Variants in NRG1 observed in about 807,000 individuals in gnomAD.
The protein encoded by NRG1 is neuregulin 1.
A neutral mutation model predicts 63.8 loss-of-function variants in NRG1; 18 were observed. That is an observed-to-expected ratio of 0.28 (90% CI 0.19 to 0.42). The LOEUF is 0.42. Ranked by LOEUF, NRG1 falls within the 10% of genes least tolerant of loss-of-function variation. NRG1 has a pLI of 1.00. For synonymous variants in NRG1, 302 were observed against 301.3 expected (o/e 1.00, Z -0.02); for missense variants, 762 against 814.7 (o/e 0.94, Z 0.79).
At chr8:31,733,877 G>T (rs564018019) in intron 1 of NRG1, among the ~76,000 whole-genome samples, 2 of 152,100 alleles carry the variant, frequency 1.3e-5, no homozygotes, top group Non-Finnish European at 2.9e-5. Flanking sequence ...TTTCCATTCC[G>T]AAAGATATAA....
In NRG1 at chr8:31,700,257, T is replaced by A. The variant is rs371420107; in HGVS notation, c.37+60826T>A. ...CTCTGGGTCATATTTTAATTCCTGA[T>A]CCTGAAGTGGAGGGGAATCCTGATG... On this transcript the variant is annotated intron_variant, in intron 1 of 10. Coordinates refer to the NRG1 transcript ENST00000519301. 2.0e-5 allele frequency among the ~76,000 whole-genome samples: 3 copies of A among 152,122 alleles called. No individual in the cohort carries two copies. The East Asian group carries it at 5.8e-4, about 29-fold the overall frequency.
chr8:31,959,794 A>ATTATTTAT (rs202231999), intron 1 of NRG1, among the ~76,000 whole-genome samples: 1 of 122,314 alleles, frequency 8.2e-6, no homozygotes, highest in Non-Finnish European at 1.6e-5. Context: ...TTATTTATTT[A>ATTATTTAT]TTATTTATTT....
chr8:31,783,612 A>AC (rs1057022873), intron 1 of NRG1, among the ~76,000 whole-genome samples: 10 of 151,760 alleles, frequency 6.6e-5, no homozygotes, highest in South Asian at 2.1e-4. Context: ...GCAAAAAAAA[A>AC]AAAAAACAAA....
chr8:32,643,494 C>T (rs911361560), intron 5 of NRG1, among the ~76,000 whole-genome samples: 3 of 152,128 alleles, frequency 2.0e-5, no homozygotes, highest in Non-Finnish European at 2.9e-5. Context: ...CAGCAGCTGC[C>T]GGTCGTCATG....
chr8:32,410,385 TC>T (rs1297093013), intron 1 of NRG1, among the ~76,000 whole-genome samples: 4 of 151,690 alleles, frequency 2.6e-5, no homozygotes, highest in African/African-American at 9.7e-5. Flanking sequence ...CTCAGCATGT[TC>T]CCCAGGCTGG....
intron 1 of NRG1, among the ~76,000 whole-genome samples, chr8:32,185,873 C>T (rs1427360021): frequency 6.6e-6 from 1 of 152,164 alleles, no homozygotes; most frequent in Non-Finnish European, 1.5e-5. Flanking sequence ...ATAAAAGTTA[C>T]TGAGTTTAAT....
intron 5 of NRG1, among the ~76,000 whole-genome samples, chr8:32,634,393 A>T (rs1489979929): frequency 1.3e-5 from 2 of 152,182 alleles, no homozygotes; most frequent in Admixed American, 6.5e-5. Flanking sequence ...CATCTTGTTG[A>T]TGCTCAAAGA....
intron 1 of NRG1, among the ~76,000 whole-genome samples, chr8:32,125,141 G>A (rs543032963): frequency 3.3e-5 from 5 of 151,906 alleles, no homozygotes; most frequent in Middle Eastern, 3.4e-3. Context: ...CAGCAAGAAG[G>A]CCCTCACCAG....
intron 1 of NRG1, among the ~76,000 whole-genome samples, chr8:32,207,490 G>A (rs1000168942): frequency 6.6e-6 from 1 of 152,056 alleles, no homozygotes; most frequent in Non-Finnish European, 1.5e-5. Context: ...ATTTTACCCT[G>A]TTAAGCATCT....
intron 7 of NRG1, chr8:32,749,523 C>A (rs1564101741): frequency 6.2e-7 from 1 of 1,612,134 alleles, no homozygotes; most frequent in Admixed American, 1.7e-5. Flanking sequence ...AACTTTTTCC[C>A]TTTCTTTCTT....
intron 1 of NRG1, among the ~76,000 whole-genome samples, chr8:32,531,207 A>C (rs184765026): frequency 5.3e-4 from 81 of 152,250 alleles, no homozygotes; most frequent in African/African-American, 1.9e-3. Flanking sequence ...GAAATGAGAA[A>C]ACCTAGAAAA....
At chr8:32,665,001 G>A (rs1365274408) in intron 5 of NRG1, among the ~76,000 whole-genome samples, 4 of 152,002 alleles carry the variant, frequency 2.6e-5, no homozygotes, top group African/African-American at 4.8e-5. Flanking sequence ...AATATTAATT[G>A]TTCTTCCCCT....
intron 1 of NRG1, among the ~76,000 whole-genome samples, chr8:31,850,075 G>A (rs1021639699): frequency 1.3e-5 from 2 of 152,048 alleles, no homozygotes; most frequent in African/African-American, 4.8e-5. Flanking sequence ...CTCTTGATGG[G>A]TATCAACACA....
chr8:32,753,046 G>T (rs148850428), intron 7 of NRG1, among the ~76,000 whole-genome samples: 336 of 152,308 alleles, frequency 2.2e-3, no homozygotes, highest in African/African-American at 7.7e-3. Context: ...AGTTAAAGGT[G>T]TAGTTGTGCC....
In NRG1 at chr8:32,634,099, T is replaced by TAAAAAAAAAAA. The variant is rs57478389; in HGVS notation, c.502+17223_502+17233dup. Among the ~76,000 whole-genome samples, 24 of 86,750 alleles carry TAAAAAAAAAAA rather than the reference T, an allele frequency of 2.8e-4. 2 individuals carry two copies. In the East Asian group the frequency reaches 4.2e-3, roughly 15 times the overall value. The allele number at this position is 86,750 out of a possible 152,430, so 56.9% of individuals were successfully genotyped here. On this transcript the variant is annotated intron_variant, in intron 5 of 11. Coordinates refer to ENST00000356819, the Ensembl canonical transcript of NRG1. Reference sequence around the variant, plus strand: ...TTTGAGGCTGAGCAAGATCTTGTCTTAAAAAAAAAAAAAAAAAAAGGTTGC... The same window carrying TAAAAAAAAAAA: ...TTTGAGGCTGAGCAAGATCTTGTCTTAAAAAAAAAAAAAAAAAAAAAAAAAAAAAAGGTTGC...
At chr8:32,410,665 G>A (rs189903950) in intron 1 of NRG1, among the ~76,000 whole-genome samples, 1 of 152,046 alleles carries the variant, frequency 6.6e-6, no homozygotes, top group Non-Finnish European at 1.5e-5. Context: ...CTTCAACAAA[G>A]AAACTAACCA....
chr8:31,925,133 T>C (rs1431945680), intron 1 of NRG1, among the ~76,000 whole-genome samples: 1 of 148,384 alleles, frequency 6.7e-6, no homozygotes, highest in Non-Finnish European at 1.5e-5. Flanking sequence ...GACATATATA[T>C]GTGTGTGTGT....
At chr8:31,905,477 A>G in intron 1 of NRG1, among the ~76,000 whole-genome samples, 1 of 152,188 alleles carries the variant, frequency 6.6e-6, no homozygotes, top group East Asian at 1.9e-4. Context: ...TTTATACAAC[A>G]TTTTAAGATT....
chr8:32,462,461 A>G (rs906701958), intron 1 of NRG1, among the ~76,000 whole-genome samples: 11 of 152,112 alleles, frequency 7.2e-5, no homozygotes, highest in African/African-American at 2.7e-4. Context: ...AATTTAACAT[A>G]TTTATCACTT....
Sources: allele counts gnomAD v4.1 joint callset (sites outside exome capture counted in the v4.1 genomes callset), GRCh38; gene constraint gnomAD v4.1.1; transcripts MANE v1.5; gene names NCBI Gene and HGNC (gene_info 2026-07-23, HGNC 2026-07-21).